Variants in PRR16 observed in about 807,000 individuals in gnomAD.
The protein encoded by PRR16 is protein Largen.
In PRR16, 6 loss-of-function variants were observed where a neutral mutation model predicts 18.2. The ratio of observed to expected loss-of-function variants is 0.33; its 90% CI spans 0.18 to 0.65. PRR16 has a LOEUF of 0.65. Ranked by LOEUF, PRR16 falls within the 30% of genes least tolerant of loss-of-function variation. PRR16 has a pLI of 0.74. For synonymous variants in PRR16, 151 were observed against 147.8 expected (o/e 1.02, Z -0.16); for missense variants, 412 against 376.6 (o/e 1.09, Z -0.78).
chr5:120,483,076 C>G (rs930854912), intron 1 of PRR16, among the ~76,000 whole-genome samples: 1 of 152,096 alleles, frequency 6.6e-6, no homozygotes. Flanking sequence ...AATCAACAAA[C>G]GTTCATTTGT....
intron 1 of PRR16, among the ~76,000 whole-genome samples, chr5:120,529,525 A>G (rs927684860): frequency 2.8e-4 from 42 of 152,200 alleles, no homozygotes; most frequent in African/African-American, 9.7e-4. Flanking sequence ...TCTTGGTTAT[A>G]TAACAAACTC....
intron 1 of PRR16, among the ~76,000 whole-genome samples, chr5:120,532,351 A>G (rs1751578601): frequency 6.6e-6 from 1 of 152,156 alleles, no homozygotes; most frequent in South Asian, 2.1e-4. Context: ...TTGAATTTAC[A>G]TAGTAGTCTT....
intron 1 of PRR16, among the ~76,000 whole-genome samples, chr5:120,636,767 C>T (rs771146557): frequency 6.6e-5 from 10 of 152,006 alleles, no homozygotes; most frequent in East Asian, 1.9e-4. Flanking sequence ...GCAACAAAAA[C>T]GAAGAAAAAT....
chr5:120,587,037 T>C (rs1436944307), intron 1 of PRR16, among the ~76,000 whole-genome samples: 1 of 152,190 alleles, frequency 6.6e-6, no homozygotes, highest in Non-Finnish European at 1.5e-5. Context: ...ATGAGAAAGT[T>C]TTAGTGATCT....
intron 1 of PRR16, among the ~76,000 whole-genome samples, chr5:120,555,018 T>C (rs931611431): frequency 2.0e-5 from 3 of 151,956 alleles, no homozygotes; most frequent in African/African-American, 7.2e-5. Flanking sequence ...CCTTTATTAT[T>C]ATGCAAGTTT....
chr5:120,575,147 A>G (rs564320389), intron 1 of PRR16, among the ~76,000 whole-genome samples: 1 of 152,276 alleles, frequency 6.6e-6, no homozygotes, highest in South Asian at 2.1e-4. Context: ...AATATAGAGA[A>G]TTTATGACAT....
chr5:120,655,738 T>G lies in PRR16; in HGVS notation c.160-30216T>G, dbSNP rs147240231. Among the ~76,000 whole-genome samples, 51 of 29,346 alleles carry G rather than the reference T, an allele frequency of 1.7e-3. 1 individual carries two copies. The highest frequency in any genetic ancestry group is 6.7e-3 in the African/African-American group (44 of 6,606). 19.3% of individuals were successfully genotyped at this position (29,346 alleles called of 152,430 possible). On this transcript the variant is annotated intron_variant, in intron 1 of 1. Transcript: ENST00000407149. ...GATAGCAATTGACTTTTTTTTTTTG[T>G]TTTTTTTTTTCTGAATGCAACCCAT... is the stretch of plus-strand genomic sequence containing the variant.
At chr5:120,498,077 G>C (rs1323903487) in intron 1 of PRR16, among the ~76,000 whole-genome samples, 1 of 150,802 alleles carries the variant, frequency 6.6e-6, no homozygotes, top group Non-Finnish European at 1.5e-5. Flanking sequence ...TTGTTTTTGT[G>C]TTTGTTTTGT....
intron 1 of PRR16, among the ~76,000 whole-genome samples, chr5:120,596,115 A>T (rs1033223802): frequency 1.5e-5 from 2 of 136,644 alleles, no homozygotes; most frequent in Admixed American, 8.2e-5. Flanking sequence ...CTCATTCCAG[A>T]TGTTCTATTT....
the PRR16 span, among the ~76,000 whole-genome samples, chr5:120,763,240 C>T: frequency 3.7e-3 from 568 of 151,968 alleles, 6 homozygotes; most frequent in African/African-American, 0.013. Context: ...TCTGCCTCCC[C>T]GGTTCAAGCA....
the PRR16 span, among the ~76,000 whole-genome samples, chr5:120,744,626 TC>T: frequency 6.6e-6 from 1 of 152,228 alleles, no homozygotes; most frequent in African/African-American, 2.4e-5. Flanking sequence ...ATGTAAATTA[TC>T]CATTATTTTC....
the PRR16 span, among the ~76,000 whole-genome samples, chr5:120,753,281 T>C: frequency 5.3e-5 from 8 of 151,994 alleles, no homozygotes; most frequent in Non-Finnish European, 8.8e-5. Flanking sequence ...TTTGTGAAAG[T>C]ATAATTTCAG....
chr5:120,769,348 C>T, the PRR16 span, among the ~76,000 whole-genome samples: 1 of 151,708 alleles, frequency 6.6e-6, no homozygotes, highest in Admixed American at 6.6e-5. Context: ...CCCCCTCCCT[C>T]TTTTTGTGGT....
the PRR16 span, among the ~76,000 whole-genome samples, chr5:120,746,296 G>T: frequency 6.6e-6 from 1 of 152,106 alleles, no homozygotes; most frequent in East Asian, 1.9e-4. Context: ...TATGCTCCTA[G>T]TCCTGTTATT....
the PRR16 span, among the ~76,000 whole-genome samples, chr5:120,789,430 G>A: frequency 6.6e-6 from 1 of 151,984 alleles, no homozygotes; most frequent in Non-Finnish European, 1.5e-5. Context: ...CTAAAGTGAA[G>A]GAAGATTAAT....
intron 1 of PRR16, among the ~76,000 whole-genome samples, chr5:120,676,796 A>T (rs78161082): frequency 6.6e-6 from 1 of 152,108 alleles, no homozygotes; most frequent in South Asian, 2.1e-4. Context: ...CAGGAACCCA[A>T]TGCAGTTCTA....
chr5:120,517,777 A>T (rs1243751711), intron 1 of PRR16, among the ~76,000 whole-genome samples: 1 of 152,080 alleles, frequency 6.6e-6, no homozygotes, highest in Non-Finnish European at 1.5e-5. Flanking sequence ...TTCTAAAGGG[A>T]GGGGCCAGTG....
At chr5:120,768,114 A>T in the PRR16 span, among the ~76,000 whole-genome samples, 1 of 151,812 alleles carries the variant, frequency 6.6e-6, no homozygotes. Context: ...TATCTTTAGC[A>T]ATTTGCCTCA....
At position 120,618,145 on chromosome 5, in the gene PRR16, T is replaced by C. The variant is rs76332099; in HGVS notation, c.160-67809T>C. On this transcript the variant is annotated intron_variant, in intron 1 of 1. Coordinates refer to ENST00000407149, the MANE Select transcript of PRR16 (RefSeq NM_001300783.2). Reference sequence around the variant, plus strand: ...GAAAGATGCCATGATTAGTCAACTATTGGATTTTAAGAATAAATCTGTTAT... The same window carrying C: ...GAAAGATGCCATGATTAGTCAACTACTGGATTTTAAGAATAAATCTGTTAT... Among the ~76,000 whole-genome samples the C allele has an allele frequency of 8.6e-3, 1,315 of 152,230 alleles. 7 individuals are homozygous for C. Among genetic ancestry groups the C allele is most frequent in the Non-Finnish European group, 0.011 (778 of 67,980 alleles).
Sources: gnomAD v4.1 joint callset for allele counts (sites outside exome capture counted in the v4.1 genomes callset) on GRCh38, gnomAD v4.1.1 for gene constraint, MANE v1.5 for transcripts, NCBI Gene and HGNC (gene_info 2026-07-23, HGNC 2026-07-21) for gene names.